CRYZL1: variants seen among roughly 807,000 people sequenced by gnomAD.
CRYZL1 encodes crystallin zeta like 1.
A neutral mutation model predicts 50.6 loss-of-function variants in CRYZL1; 34 were observed. That is an observed-to-expected ratio of 0.67 (90% CI 0.51 to 0.89). The LOEUF is 0.89. CRYZL1 is among the 40% of genes least tolerant of loss of function. The pLI is 0.00. For missense variants in CRYZL1, 354 were observed against 402.3 expected (o/e 0.88, Z 1.03); for synonymous variants, 125 against 134.3 (o/e 0.93, Z 0.48).
chr21:33,638,887 G>GCAGATTC (rs2087242847), intron 1 of CRYZL1, among the ~76,000 whole-genome samples: 1 of 152,218 alleles, frequency 6.6e-6, no homozygotes, highest in Admixed American at 6.5e-5. Context: ...GCTTCATAAA[G>GCAGATTC]CAGATTCCAG....
In CRYZL1 at chr21:33,595,776, C is replaced by A. The variant is rs1345680202; in HGVS notation, c.859G>T (p.Asp287Tyr). ...LKGATLAFLN[D>Y]EVWNLSNVQQ... ...ACATTTGACAAATTCCAAACTTCAT[C>A]ATTCAGGAAAGCTAACGTTGCTCCC... The change falls in exon 11 of 13, where the codon GAT (aspartate) becomes TAT (tyrosine). Residue 287 changes from aspartate to tyrosine, a missense_variant. Coordinates refer to ENST00000381554, the MANE Select transcript of CRYZL1 (RefSeq NM_145858.3). 6.2e-7 allele frequency: 1 copy of A among 1,614,140 alleles called. No individual in the cohort carries two copies.
Position 33,626,480 on chromosome 21 carries a change from T to G in CRYZL1, c.67-1720A>C, listed in dbSNP as rs2087064674. ...GGGAGGCCGAGGTAAGTGGATCACT[T>G]AAGGTCAGGAGTTTGAGACCAGCCT... On this transcript the variant is annotated intron_variant, in intron 2 of 12. Transcript: ENST00000381554. Among the ~76,000 whole-genome samples, 5 of 151,432 alleles carry G rather than the reference T, an allele frequency of 3.3e-5. No individual in the cohort carries two copies. In the South Asian group the frequency reaches 1.0e-3, roughly 32 times the overall value.
chr21:33,610,869 T>A (rs1463428931), intron 6 of CRYZL1, among the ~76,000 whole-genome samples: 3 of 151,052 alleles, frequency 2.0e-5, no homozygotes, highest in Non-Finnish European at 4.4e-5. Flanking sequence ...GTAGCTGGGA[T>A]TACAGGCGCC....
intron 2 of CRYZL1, among the ~76,000 whole-genome samples, chr21:33,626,708 A>C (rs970435377): frequency 1.3e-5 from 2 of 151,970 alleles, no homozygotes; most frequent in Non-Finnish European, 2.9e-5. Context: ...AAAAAAAAAA[A>C]AAAGAAAAAG....
chr21:33,617,427 A>G (rs1282991433), intron 4 of CRYZL1, among the ~76,000 whole-genome samples: 1 of 152,074 alleles, frequency 6.6e-6, no homozygotes, highest in Non-Finnish European at 1.5e-5. Context: ...ATCTGTCTTT[A>G]TTTTTGTTGC....
chr21:33,590,030 T>G lies in CRYZL1; in HGVS notation c.951-109A>C, dbSNP rs1601321794. The stretch of plus-strand genomic sequence containing the variant: ...TCAAATCTATTAGTGTATTAATTAA[T>G]TTTTTGAGACAGAGTCTGGCTCTCT... On this transcript the variant is annotated intron_variant, in intron 12 of 12. Coordinates refer to ENST00000381554, the MANE Select transcript of CRYZL1 (RefSeq NM_145858.3). 18 of 632,862 alleles carry G rather than the reference T, an allele frequency of 2.8e-5. No individual in the cohort carries two copies. In the East Asian group the frequency reaches 5.1e-4, roughly 18 times the overall value. The allele number at this position is 632,862 out of a possible 1,614,324, so 39.2% of individuals were successfully genotyped here.
rs772000544 is a variant in CRYZL1, at chr21:33,599,217, A to T, written c.609T>A (p.Val203=). The T allele has an allele frequency of 1.2e-6, 2 of 1,614,008 alleles. No individual in the cohort carries two copies. The change falls in exon 9 of 13, where the codon GTT becomes GTA. Residue 203 remains valine (V), a synonymous_variant. Coordinates refer to ENST00000381554, the MANE Select transcript of CRYZL1 (RefSeq NM_145858.3). Reference sequence around the variant, plus strand: ...CTTCCAAACAGCTTTCAGCAACATGAACTTTCCCATTAGATACATCAATCA... The same window carrying T: ...CTTCCAAACAGCTTTCAGCAACATGTACTTTCCCATTAGATACATCAATCA... ...ARVIDVSNGK[V]HVAESCLEET...
intron 2 of CRYZL1, among the ~76,000 whole-genome samples, chr21:33,625,887 C>T (rs2145953020): frequency 6.6e-6 from 1 of 152,182 alleles, no homozygotes; most frequent in South Asian, 2.1e-4. Context: ...TCTTGAGCTC[C>T]TGGGCTAAAG....
At chr21:33,614,568 T>C (rs1351932353) in intron 5 of CRYZL1, among the ~76,000 whole-genome samples, 1 of 152,118 alleles carries the variant, frequency 6.6e-6, no homozygotes, top group Non-Finnish European at 1.5e-5. Context: ...CATACCTCAG[T>C]ATGTTTCAAT....
intron 6 of CRYZL1, among the ~76,000 whole-genome samples, chr21:33,609,560 C>T (rs2031533030): frequency 6.6e-6 from 1 of 151,684 alleles, no homozygotes. Context: ...ATTGGCTCTG[C>T]CTTGGCCTCC....
At chr21:33,638,958 T>C (rs1444496996) in intron 1 of CRYZL1, among the ~76,000 whole-genome samples, 10 of 152,200 alleles carry the variant, frequency 6.6e-5, no homozygotes, top group African/African-American at 2.4e-4. Context: ...ATTGTGACAA[T>C]CTTGATAAAT....
At chr21:33,616,020 C>T (rs1043515090) in intron 5 of CRYZL1, among the ~76,000 whole-genome samples, 8 of 152,070 alleles carry the variant, frequency 5.3e-5, no homozygotes, top group Admixed American at 2.0e-4. Context: ...CATGCTGGTG[C>T]GCTGCACCCA....
intron 2 of CRYZL1, among the ~76,000 whole-genome samples, chr21:33,629,422 C>T (rs778498169): frequency 1.3e-5 from 2 of 152,070 alleles, no homozygotes; most frequent in African/African-American, 4.8e-5. Flanking sequence ...CCACCACACC[C>T]GGCTAATTTT....
At chr21:33,640,228 G>C in intron 1 of CRYZL1, 2 of 1,545,412 alleles carry the variant, frequency 1.3e-6, no homozygotes, top group Non-Finnish European at 1.7e-6. Flanking sequence ...ATATTTCATT[G>C]CACAAGGCTG....
intron 9 of CRYZL1, 81 bp from the exon 10 acceptor site, chr21:33,597,482 C>T: frequency 1.8e-6 from 2 of 1,132,558 alleles, no homozygotes; most frequent in Non-Finnish European, 2.6e-6. Flanking sequence ...ATTCTTCAAA[C>T]AAGTTCTTAT....
intron 10 of CRYZL1, 187 bp from the exon 11 acceptor site, chr21:33,596,023 G>A (rs1035147250): frequency 4.2e-5 from 26 of 614,902 alleles, no homozygotes; most frequent in African/African-American, 3.9e-4. Context: ...GAAACAGCGA[G>A]GTGATAAGTA....
intron 2 of CRYZL1, among the ~76,000 whole-genome samples, chr21:33,627,626 T>C (rs1374243530): frequency 1.3e-5 from 2 of 152,094 alleles, no homozygotes; most frequent in African/African-American, 4.8e-5. Flanking sequence ...TTGGTGATAA[T>C]ATGAATATGA....
At chr21:33,637,802 C>A (rs1177847338) in intron 1 of CRYZL1, among the ~76,000 whole-genome samples, 1 of 147,266 alleles carries the variant, frequency 6.8e-6, no homozygotes, top group Non-Finnish European at 1.5e-5. Context: ...CACACACACA[C>A]ATATAAACAG....
intron 1 of CRYZL1, among the ~76,000 whole-genome samples, chr21:33,632,535 GC>G (rs1275469629): frequency 1.3e-5 from 2 of 151,674 alleles, no homozygotes; most frequent in Non-Finnish European, 2.9e-5. Flanking sequence ...GCGCCACCAT[GC>G]CCGGCTAAAT....
Sources: allele counts gnomAD v4.1 joint callset (sites outside exome capture counted in the v4.1 genomes callset), GRCh38; gene constraint gnomAD v4.1.1; transcripts MANE v1.5; gene names NCBI Gene and HGNC (gene_info 2026-07-23, HGNC 2026-07-21).